The following NKAIN2 variants were observed in gnomAD, a reference collection of about 807,000 sequenced individuals.
NKAIN2 encodes sodium/potassium transporting ATPase interacting 2, also known as sodium/potassium-transporting ATPase subunit beta-1-interacting protein 2.
A neutral mutation model predicts 32.6 loss-of-function variants in NKAIN2; 14 were observed. That is an observed-to-expected ratio of 0.43 (90% CI 0.28 to 0.67). The LOEUF (loss-of-function observed/expected upper bound fraction) is 0.67, where lower values mean the gene tolerates loss of function less well. Ranked by LOEUF, NKAIN2 falls within the 30% of genes least tolerant of loss-of-function variation. The probability of loss-of-function intolerance (pLI) is 0.17; values close to 1 mark genes in which losing one functional copy is unlikely to be tolerated. For missense variants in NKAIN2, 198 were observed against 258.3 expected (o/e 0.77, Z 1.60); for synonymous variants, 80 against 87.2 (o/e 0.92, Z 0.46).
Position 124,283,044 on chromosome 6 carries a change from T to C in NKAIN2, c.94T>C (p.Tyr32His). 6.2e-7 allele frequency: 1 copy of C among 1,613,496 alleles called. No individual in the cohort carries two copies. The highest frequency in any genetic ancestry group is 8.5e-7 in the Non-Finnish European group (1 of 1,179,448). ...LERQIFDFLG[Y>H]QWAPILANFV... ...GAGGCAAATATTTGACTTCCTTGGA[T>C]ATCAGTGGGCACCTATCCTGGCAAA... The change falls in exon 2 of 7, where the codon TAT becomes CAT. Residue 32 changes from tyrosine (Y) to histidine (H), a missense_variant. Tyr to His is a moderately conservative substitution (Grantham distance 83). Transcript: ENST00000368417.
chr6:124,307,394 G>A (rs553790617), intron 2 of NKAIN2, among the ~76,000 whole-genome samples: 33 of 152,186 alleles, frequency 2.2e-4, no homozygotes, highest in African/African-American at 7.5e-4. Flanking sequence ...TATTCCACAC[G>A]GTACTATCTT....
At chr6:124,485,022 C>T (rs1777597833) in intron 3 of NKAIN2, among the ~76,000 whole-genome samples, 1 of 152,160 alleles carries the variant, frequency 6.6e-6, no homozygotes, top group Non-Finnish European at 1.5e-5. Flanking sequence ...CTAGCTGATA[C>T]AGGCCAGTAC....
intron 1 of NKAIN2, among the ~76,000 whole-genome samples, chr6:123,947,039 A>G (rs1395949847): frequency 6.6e-6 from 1 of 152,178 alleles, no homozygotes; most frequent in Non-Finnish European, 1.5e-5. Flanking sequence ...TGACTTCTCC[A>G]AGCTTGGCTT....
intron 2 of NKAIN2, among the ~76,000 whole-genome samples, chr6:124,298,695 T>C (rs1018179759): frequency 6.6e-6 from 1 of 152,212 alleles, no homozygotes; most frequent in Admixed American, 6.5e-5. Context: ...AGAAAAGCAG[T>C]TTCTTGCCTT....
chr6:124,426,526 C>T (rs535991725), intron 3 of NKAIN2, among the ~76,000 whole-genome samples: 7 of 152,166 alleles, frequency 4.6e-5, no homozygotes, highest in African/African-American at 7.2e-5. Context: ...TTTAAACAGA[C>T]CTTTTGCCAA....
chr6:123,991,417 GA>G (rs1779403671), intron 1 of NKAIN2, among the ~76,000 whole-genome samples: 4 of 151,872 alleles, frequency 2.6e-5, no homozygotes, highest in African/African-American at 7.3e-5. Context: ...CCAGGGAGAG[GA>G]AAAAAAGTTT....
chr6:124,524,946 G>A (rs150207021), intron 3 of NKAIN2, among the ~76,000 whole-genome samples: 63 of 152,284 alleles, frequency 4.1e-4, no homozygotes, highest in Non-Finnish European at 6.9e-4. Context: ...AGATGGCACT[G>A]CTGAACACCC....
At position 124,281,696 on chromosome 6, in the gene NKAIN2, G is replaced by A. The variant is rs138863434; in HGVS notation, c.55-1309G>A. Among the ~76,000 whole-genome samples the A allele has an allele frequency of 2.4e-4, 36 of 152,252 alleles. No individual in the cohort carries two copies. The East Asian group carries it at 6.8e-3, about 29-fold the overall frequency. On this transcript the variant is annotated intron_variant, in intron 1 of 6. Transcript: ENST00000368417. ...CCAGTGTGCCTTAGAAAATAGAGGT[G>A]TCATGAATTTATTTTCTCTTTCAAT... is the stretch of plus-strand genomic sequence containing the variant.
At chr6:124,295,601 A>T (rs563070618) in intron 2 of NKAIN2, among the ~76,000 whole-genome samples, 1 of 152,270 alleles carries the variant, frequency 6.6e-6, no homozygotes, top group Non-Finnish European at 1.5e-5. Flanking sequence ...AGTTTGCAAA[A>T]TCCTAATTTT....
At chr6:124,179,407 G>A (rs1380414895) in intron 1 of NKAIN2, among the ~76,000 whole-genome samples, 2 of 152,212 alleles carry the variant, frequency 1.3e-5, no homozygotes, top group African/African-American at 4.8e-5. Flanking sequence ...GCACAAGTCT[G>A]TTAATGTCTT....
In NKAIN2 at chr6:124,802,711, C is replaced by A. The variant is rs150024035; in HGVS notation, c.535+11312C>A. 3.2e-3 allele frequency among the ~76,000 whole-genome samples: 484 copies of A among 152,228 alleles called. 4 individuals carry two copies. The highest frequency in any genetic ancestry group is 0.011 in the African/African-American group (454 of 41,552). ...TGGAAAGAGGCTTCTCTAAGATGCC[C>A]AGTTCTGAAATTTTCTGCCTGACCA... On this transcript the variant is annotated intron_variant, in intron 5 of 6. Transcript: ENST00000368417.
Position 123,849,910 on chromosome 6 carries a change from A to G in NKAIN2, c.54+45656A>G, listed in dbSNP as rs148605507. On this transcript the variant is annotated intron_variant, in intron 1 of 6. Transcript: ENST00000368417. ...ATTATTTACAATTTTCTTTAAAAAAATTTTTTTGAGACATGGTTTCACTCT... is the reference window on the plus strand; with the variant it reads ...ATTATTTACAATTTTCTTTAAAAAAGTTTTTTTGAGACATGGTTTCACTCT... 1.7e-3 allele frequency among the ~76,000 whole-genome samples: 249 copies of G among 148,440 alleles called. 2 individuals carry two copies. Among genetic ancestry groups the G allele is most frequent in the Non-Finnish European group, 1.9e-3 (131 of 67,310 alleles).
chr6:123,931,023 G>A (rs537012480), intron 1 of NKAIN2, among the ~76,000 whole-genome samples: 1 of 151,808 alleles, frequency 6.6e-6, no homozygotes, highest in Non-Finnish European at 1.5e-5. Flanking sequence ...ATGAAGGCGG[G>A]GCAGGTGTTC....
intron 2 of NKAIN2, among the ~76,000 whole-genome samples, chr6:124,297,468 G>T (rs1255696020): frequency 6.6e-6 from 1 of 152,012 alleles, no homozygotes; most frequent in Non-Finnish European, 1.5e-5. Context: ...AAGAAGGGTT[G>T]GTCTTGGTGT....
chr6:124,749,722 C>T (rs1777624434), intron 4 of NKAIN2, among the ~76,000 whole-genome samples: 1 of 151,894 alleles, frequency 6.6e-6, no homozygotes, highest in Non-Finnish European at 1.5e-5. Flanking sequence ...AACTTATGCC[C>T]CAATTCTCTG....
At chr6:123,895,886 A>G (rs768157829) in intron 1 of NKAIN2, among the ~76,000 whole-genome samples, 6 of 143,834 alleles carry the variant, frequency 4.2e-5, no homozygotes, top group Non-Finnish European at 9.2e-5. Context: ...TCTCCCTTAT[A>G]TGATATCAAA....
At chr6:124,005,042 TAGTGAA>T (rs1780021625) in intron 1 of NKAIN2, among the ~76,000 whole-genome samples, 1 of 152,110 alleles carries the variant, frequency 6.6e-6, no homozygotes, top group South Asian at 2.1e-4. Flanking sequence ...TTGGTCAAGA[TAGTGAA>T]ACCCTGTCTT....
At chr6:123,934,600 C>T (rs1342516306) in intron 1 of NKAIN2, among the ~76,000 whole-genome samples, 1 of 152,002 alleles carries the variant, frequency 6.6e-6, no homozygotes, top group East Asian at 1.9e-4. Flanking sequence ...TCTGTTGAGG[C>T]TTAAAATGGC....
At chr6:124,065,357 A>G (rs1783117234) in intron 1 of NKAIN2, among the ~76,000 whole-genome samples, 1 of 152,140 alleles carries the variant, frequency 6.6e-6, no homozygotes, top group African/African-American at 2.4e-5. Context: ...ACCCAGGCCT[A>G]TGAAATGCTA....
Sources: allele counts gnomAD v4.1 joint callset (sites outside exome capture counted in the v4.1 genomes callset), GRCh38; gene constraint gnomAD v4.1.1; transcripts MANE v1.5; gene names NCBI Gene and HGNC (gene_info 2026-07-23, HGNC 2026-07-21).